The following EPSTI1 variants were observed in gnomAD, a reference collection of about 807,000 sequenced individuals.
EPSTI1 encodes the protein epithelial stromal interaction 1.
Under a neutral mutation model 49.9 loss-of-function variants are expected in EPSTI1, and 66 were observed. The observed-to-expected ratio is 1.32, with a 90% CI of 1.08 to 1.62. The LOEUF (loss-of-function observed/expected upper bound fraction) is 1.62. Among genes scored for constraint, EPSTI1 ranks in the 40% most tolerant of loss-of-function variants. The pLI is 0.00. For missense variants in EPSTI1, 394 were observed against 365.5 expected, an observed-to-expected ratio of 1.08 and a Z score of -0.64; for synonymous variants, 137 against 130.7, an observed-to-expected ratio of 1.05 and a Z score of -0.33.
chr13:42,983,430 G>C lies in EPSTI1; in HGVS notation c.188+8548C>G, dbSNP rs145976150. On this transcript the variant is annotated intron_variant, in intron 1 of 10. Coordinates refer to ENST00000313624, the MANE Select transcript of EPSTI1 (RefSeq NM_033255.5). The stretch of plus-strand genomic sequence containing the variant: ...AATACAAAAATTAGCCAGGCATGGT[G>C]GTGGACACCTGTAATCCCAGCTACT... Among the ~76,000 whole-genome samples the C allele has an allele frequency of 3.7e-4, 57 of 152,160 alleles. 1 individual carries two copies. The East Asian group carries it at 9.5e-3, about 25-fold the overall frequency.
In EPSTI1 at chr13:42,992,160, G is replaced by A. The variant is rs1487032680; in HGVS notation, c.6C>T (p.Asn2=). ...CGGAGTTCACCACTCTATTGCGGGT[G>A]TTCATGGTTCACAGCCCGCGGGTCC... M[N]TRNRVVNSGL... The change falls in exon 1 of 11, where the codon AAC becomes AAT. Residue 2 remains asparagine, a synonymous_variant. Coordinates refer to ENST00000313624, the MANE Select transcript of EPSTI1 (RefSeq NM_033255.5). 6.4e-7 allele frequency: 1 copy of A among 1,569,120 alleles called. No individual in the cohort carries two copies.
chr13:42,968,954 A>ACACACACACACAC (rs5803160), intron 3 of EPSTI1, 140 bp downstream of exon 3: 9,870 of 538,458 alleles, frequency 0.018, 740 homozygotes, highest in South Asian at 0.052. Context: ...ACACACACAC[A>ACACACACACACAC]ATTAAATGCA....
At chr13:42,943,262 G>A (rs532806421) in intron 6 of EPSTI1, among the ~76,000 whole-genome samples, 5 of 152,306 alleles carry the variant, frequency 3.3e-5, no homozygotes, top group Non-Finnish European at 7.3e-5. Flanking sequence ...GGGCCCCAGG[G>A]CCTTCTTAGT....
intron 6 of EPSTI1, among the ~76,000 whole-genome samples, chr13:42,947,017 T>C (rs2038936754): frequency 6.6e-6 from 1 of 152,094 alleles, no homozygotes; most frequent in East Asian, 1.9e-4. Context: ...TTATATACAC[T>C]ATAAACACAG....
At chr13:42,889,908 A>G (rs1434597254) in intron 10 of EPSTI1, among the ~76,000 whole-genome samples, 2 of 151,896 alleles carry the variant, frequency 1.3e-5, no homozygotes, top group African/African-American at 4.8e-5. Context: ...CTTCCTACTT[A>G]TAAGCTTTAA....
chr13:42,949,781 C>T (rs1446320026), intron 6 of EPSTI1, among the ~76,000 whole-genome samples: 1 of 152,010 alleles, frequency 6.6e-6, no homozygotes, highest in Non-Finnish European at 1.5e-5. Context: ...CACTCACATT[C>T]CTACCCTAGC....
At chr13:42,953,777 T>TCTACTC (rs568080043) in intron 6 of EPSTI1, among the ~76,000 whole-genome samples, 171 bp downstream of exon 6, 43 of 152,346 alleles carry the variant, frequency 2.8e-4, no homozygotes, top group African/African-American at 1.0e-3. Context: ...CTTTGGTGAG[T>TCTACTC]AGACATGTCT....
intron 8 of EPSTI1, among the ~76,000 whole-genome samples, chr13:42,912,106 C>T (rs1029274814): frequency 1.3e-5 from 2 of 152,146 alleles, no homozygotes; most frequent in Admixed American, 6.5e-5. Context: ...AAACCAATAA[C>T]CATGCACAAT....
intron 9 of EPSTI1, 139 bp downstream of exon 9, chr13:42,900,171 G>A (rs957328128): frequency 1.5e-5 from 11 of 724,424 alleles, no homozygotes; most frequent in African/African-American, 5.3e-5. Flanking sequence ...CATATATCAC[G>A]TCCCAATAAC....
chr13:42,977,388 A>C (rs1446310515), intron 1 of EPSTI1, among the ~76,000 whole-genome samples: 1 of 152,242 alleles, frequency 6.6e-6, no homozygotes, highest in Non-Finnish European at 1.5e-5. Context: ...ACAGCCACCA[A>C]CCTTCTGTAT....
Position 42,970,625 on chromosome 13 carries a change from A to T in EPSTI1, c.234T>A (p.Asn78Lys), listed in dbSNP as rs1163609359. The change falls in exon 2 of 11, where the codon AAT (asparagine) becomes AAA (lysine). Residue 78 changes from asparagine to lysine, a missense_variant. Coordinates refer to ENST00000313624, the MANE Select transcript of EPSTI1 (RefSeq NM_033255.5). ...TLIAPNINRR[N>K]EIQRIAEQEL... ...GACTATACATACTTCTTTGTATCTC[A>T]TTTCTCCGGTTTATATTTGGTGCTA... The T allele has an allele frequency of 1.2e-6, 2 of 1,610,018 alleles. No homozygotes were observed. Among genetic ancestry groups the T allele is most frequent in the Non-Finnish European group, 1.7e-6 (2 of 1,178,620 alleles).
chr13:42,965,673 G>GTCCCTCTCCCTC (rs2039582209), intron 3 of EPSTI1, among the ~76,000 whole-genome samples: 1 of 72,918 alleles, frequency 1.4e-5, no homozygotes, highest in African/African-American at 4.6e-5. Context: ...ATCAGCTGGA[G>GTCCCTCTCCCTC]TCCCTGTCCC....
chr13:42,889,300 GTA>G (rs1720450210), intron 10 of EPSTI1: 2 of 1,057,562 alleles, frequency 1.9e-6, no homozygotes, highest in East Asian at 5.4e-5. Context: ...AAGAATAAAT[GTA>G]TATGTTAAGA....
At chr13:42,953,833 T>TAC (rs2039177181) in intron 6 of EPSTI1, 115 bp downstream of exon 6, 4 of 755,052 alleles carry the variant, frequency 5.3e-6, no homozygotes, top group Non-Finnish European at 8.5e-6. Flanking sequence ...ACATAATTAA[T>TAC]ACAACAGCCA....
chr13:42,979,104 T>C (rs1488767344), intron 1 of EPSTI1, among the ~76,000 whole-genome samples: 1 of 152,184 alleles, frequency 6.6e-6, no homozygotes. Context: ...GCTTTTTTCA[T>C]TAAATTATGT....
chr13:42,986,572 G>A (rs564366899), intron 1 of EPSTI1, among the ~76,000 whole-genome samples: 24 of 152,000 alleles, frequency 1.6e-4, no homozygotes, highest in South Asian at 1.3e-3. Flanking sequence ...GTGAAACCTC[G>A]TTTCTACTAA....
intron 7 of EPSTI1, among the ~76,000 whole-genome samples, chr13:42,923,472 G>A (rs942994751): frequency 3.9e-5 from 6 of 152,278 alleles, no homozygotes; most frequent in Non-Finnish European, 8.8e-5. Flanking sequence ...GAGGTGGCAG[G>A]ATGGCTTGAA....
chr13:42,964,858 A>C (rs902256755), intron 3 of EPSTI1, among the ~76,000 whole-genome samples: 19 of 152,348 alleles, frequency 1.2e-4, no homozygotes, highest in African/African-American at 4.6e-4. Context: ...CTCAGTGTTT[A>C]TGCAAGCTTG....
rs1297496111 is a variant in EPSTI1, at chr13:42,913,158, AG to A, written c.741+4382del. 9.9e-5 allele frequency among the ~76,000 whole-genome samples: 15 copies of A among 152,116 alleles called. 1 individual carries two copies. Among genetic ancestry groups the A allele is most frequent in the Admixed American group, 9.8e-4 (15 of 15,282 alleles). On this transcript the variant is annotated intron_variant, in intron 8 of 10. Coordinates refer to ENST00000313624, the MANE Select transcript of EPSTI1 (RefSeq NM_033255.5). Reference sequence around the variant, plus strand: ...GAGAATTCAGTGTCAGTAAAAAAAAAGAAAACTAATAAAAAGTAAATCATGC... The same window carrying A: ...GAGAATTCAGTGTCAGTAAAAAAAAAAAAACTAATAAAAAGTAAATCATGC...
Sources: allele counts gnomAD v4.1 joint callset (sites outside exome capture counted in the v4.1 genomes callset), GRCh38; gene constraint gnomAD v4.1.1; transcripts MANE v1.5; gene names NCBI Gene and HGNC (gene_info 2026-07-23, HGNC 2026-07-21).